Variants in ATRX observed in about 807,000 individuals in gnomAD.
ATRX encodes chromatin remodeler ATRX.
A neutral mutation model predicts 172.6 loss-of-function variants in ATRX; 12 were observed. The observed-to-expected ratio is 0.07, with a 90% CI of 0.04 to 0.11. The LOEUF (loss-of-function observed/expected upper bound fraction) is 0.11, where lower values mean the gene tolerates loss of function less well. Among genes scored for constraint, ATRX ranks in the 10% least tolerant of loss-of-function variants. ATRX has a pLI of 1.00. For missense variants in ATRX, 1,368 were observed against 1,767.4 expected (o/e 0.77, Z 4.05); for synonymous variants, 674 against 594.7 (o/e 1.13, Z -1.94).
intron 1 of ATRX, among the ~76,000 whole-genome samples, chrX:77,772,090 T>G (rs1198357717): frequency 9.1e-6 from 1 of 109,524 alleles, no homozygotes; most frequent in Non-Finnish European, 1.9e-5. Context: ...AGGTCAGGAG[T>G]TCGAGACCAT....
chrX:77,545,642 T>C (rs1203546374), intron 30 of ATRX, among the ~76,000 whole-genome samples: 1 of 110,440 alleles, frequency 9.1e-6, no homozygotes, highest in Non-Finnish European at 1.9e-5. Context: ...AATAAAGAAA[T>C]AGGAATGCAA....
intron 21 of ATRX, among the ~76,000 whole-genome samples, chrX:77,618,364 A>C (rs1602872696): frequency 8.9e-6 from 1 of 111,753 alleles, no homozygotes; most frequent in Non-Finnish European, 1.9e-5. Flanking sequence ...AAAGTAACAA[A>C]ACTGTTTCTC....
intron 10 of ATRX, among the ~76,000 whole-genome samples, chrX:77,668,106 T>C (rs1319975173): frequency 8.9e-6 from 1 of 111,741 alleles, no homozygotes; most frequent in African/African-American, 3.3e-5. Flanking sequence ...ATAACCTACA[T>C]TTCAAAATTA....
At chrX:77,718,275 CTGGCA>C (rs2073550878) in intron 1 of ATRX, among the ~76,000 whole-genome samples, 2 of 109,186 alleles carry the variant, frequency 1.8e-5, no homozygotes, top group African/African-American at 6.7e-5. Context: ...GTCTAACTGA[CTGGCA>C]TAAAGATGAA....
chrX:77,589,822 T>A lies in ATRX; in HGVS notation c.6217+12A>T. On this transcript the variant is annotated intron_variant, in intron 27 of 34. Transcript: ENST00000373344. Reference sequence around the variant, plus strand: ...TTTTTAAAATTACGACACAGAAATATTTGTAGCTCACCTTTATAAATAAGG... The same window carrying A: ...TTTTTAAAATTACGACACAGAAATAATTGTAGCTCACCTTTATAAATAAGG... 8.7e-7 allele frequency: 1 copy of A among 1,155,148 alleles called. No individual in the cohort carries two copies. The highest frequency in any genetic ancestry group is 1.2e-6 in the Non-Finnish European group (1 of 845,462).
At chrX:77,718,281 T>A (rs1458272803) in intron 1 of ATRX, among the ~76,000 whole-genome samples, 2 of 107,672 alleles carry the variant, frequency 1.9e-5, no homozygotes, top group Non-Finnish European at 3.8e-5. Flanking sequence ...CTGACTGGCA[T>A]AAAGATGAAC....
At chrX:77,726,819 A>G (rs1487811502) in intron 1 of ATRX, among the ~76,000 whole-genome samples, 1 of 108,531 alleles carries the variant, frequency 9.2e-6, no homozygotes, top group African/African-American at 3.4e-5. Flanking sequence ...TTTAAATCCT[A>G]ATGTCACTTA....
chrX:77,604,066 A>G (rs782526116), intron 22 of ATRX, among the ~76,000 whole-genome samples: 2 of 112,544 alleles, frequency 1.8e-5, no homozygotes, highest in South Asian at 7.3e-4. Flanking sequence ...AGAGAAAGTA[A>G]ACCTGGAGAA....
At chrX:77,592,249 T>TA (rs1383871802) in intron 26 of ATRX, among the ~76,000 whole-genome samples, 3 of 107,705 alleles carry the variant, frequency 2.8e-5, no homozygotes, top group South Asian at 4.1e-4. Context: ...CCGTCTCTAT[T>TA]AAAAAAACAA....
chrX:77,540,556 A>G (rs1557050337), intron 30 of ATRX, among the ~76,000 whole-genome samples: 1 of 112,106 alleles, frequency 8.9e-6, no homozygotes, highest in Non-Finnish European at 1.9e-5. Context: ...AATTGACCAC[A>G]TAATTGGAAG....
chrX:77,556,037 G>A (rs1040342183), intron 30 of ATRX, among the ~76,000 whole-genome samples: 4 of 105,843 alleles, frequency 3.8e-5, no homozygotes, highest in African/African-American at 6.9e-5. Context: ...ATTGCTGGGC[G>A]TGGTGGCAGG....
At chrX:77,734,887 G>T (rs191913788) in intron 1 of ATRX, among the ~76,000 whole-genome samples, 2 of 109,977 alleles carry the variant, frequency 1.8e-5, no homozygotes, top group Non-Finnish European at 3.8e-5. Flanking sequence ...GAGGCAGGTG[G>T]ATCATTTGAG....
chrX:77,512,236 A>G lies in ATRX; in HGVS notation c.7201-3607T>C. On this transcript the variant is annotated intron_variant, in intron 34 of 34. Coordinates refer to ENST00000373344, the MANE Select transcript of ATRX (RefSeq NM_000489.6). ...CAAAAAACTTTTACCCTAGAACATC[A>G]TATCTGGTGAAAATATGCTTCAAAT... Among the ~76,000 whole-genome samples, 3 of 112,144 alleles carry G rather than the reference A, an allele frequency of 2.7e-5. 1 individual carries two copies. The South Asian group carries it at 1.1e-3, about 42-fold the overall frequency.
rs530175831 is a variant in ATRX, at chrX:77,705,630, T to C, written c.134-7001A>G. 5.3e-5 allele frequency among the ~76,000 whole-genome samples: 6 copies of C among 112,306 alleles called. 1 individual carries two copies. The South Asian group carries it at 2.2e-3, about 42-fold the overall frequency. ...GGCTCAGACCTATAATCCCAGCACT[T>C]TGGGAGGCCAAGGTGGAAGGATCAC... On this transcript the variant is annotated intron_variant, in intron 2 of 34. Coordinates refer to ENST00000373344, the MANE Select transcript of ATRX (RefSeq NM_000489.6).
intron 1 of ATRX, among the ~76,000 whole-genome samples, chrX:77,748,090 CAAATCATTAGAG>C (rs2075155283): frequency 8.9e-6 from 1 of 111,792 alleles, no homozygotes; most frequent in South Asian, 3.7e-4. Context: ...AACCCATCTA[CAAATCATTAGAG>C]TAATCATTTA....
intron 2 of ATRX, among the ~76,000 whole-genome samples, chrX:77,714,899 G>A (rs919836584): frequency 2.7e-5 from 3 of 111,992 alleles, no homozygotes; most frequent in African/African-American, 9.7e-5. Flanking sequence ...AATAGGGACT[G>A]TGGCTTAAAT....
At chrX:77,533,533 G>A (rs1343205646) in intron 30 of ATRX, among the ~76,000 whole-genome samples, 1 of 111,474 alleles carries the variant, frequency 9.0e-6, no homozygotes, top group Non-Finnish European at 1.9e-5. Flanking sequence ...TGAAGGAACA[G>A]AAAACCAAAC....
At chrX:77,749,805 C>G (rs782518602) in intron 1 of ATRX, among the ~76,000 whole-genome samples, 16 of 110,998 alleles carry the variant, frequency 1.4e-4, no homozygotes, top group Non-Finnish European at 2.5e-4. Flanking sequence ...CTGCTCTGTC[C>G]AGCCGTGGAC....
chrX:77,697,891 T>C (rs782702034), intron 3 of ATRX, among the ~76,000 whole-genome samples: 1 of 112,054 alleles, frequency 8.9e-6, no homozygotes, highest in Non-Finnish European at 1.9e-5. Context: ...TCTCGTTTTT[T>C]ACATGGTTGC....
Sources: allele counts gnomAD v4.1 joint callset (sites outside exome capture counted in the v4.1 genomes callset), GRCh38; gene constraint gnomAD v4.1.1; transcripts MANE v1.5; gene names NCBI Gene and HGNC (gene_info 2026-07-23, HGNC 2026-07-21).